SPOCK1: variants seen among roughly 807,000 people sequenced by gnomAD.
The protein encoded by SPOCK1 is testican-1.
In SPOCK1, 23 loss-of-function variants were observed where a neutral mutation model predicts 55.3. The ratio of observed to expected loss-of-function variants is 0.42; its 90% CI spans 0.30 to 0.59. The LOEUF is 0.59. Ranked by LOEUF, SPOCK1 falls within the 20% of genes least tolerant of loss-of-function variation. SPOCK1 has a pLI of 0.22. For missense variants in SPOCK1, 499 were observed against 552.5 expected (o/e 0.90, Z 0.97); for synonymous variants, 226 against 221.0 (o/e 1.02, Z -0.20).
chr5:137,131,966 C>A (rs1184278698), intron 4 of SPOCK1, among the ~76,000 whole-genome samples: 3 of 28,326 alleles, frequency 1.1e-4, no homozygotes, highest in East Asian at 9.3e-4. Context: ...AGCGAGACTC[C>A]GTCTCAAAAA....
In SPOCK1 at chr5:137,000,180, G is replaced by A. The variant is rs560882686; in HGVS notation, c.590-7580C>T. On this transcript the variant is annotated intron_variant, in intron 6 of 10. Transcript: ENST00000394945. Reference sequence around the variant, plus strand: ...CTCTCAGAAATGGAGACCTGATGCTGATTCTTTCAAACTAATCTCCTTCAG... The same window carrying A: ...CTCTCAGAAATGGAGACCTGATGCTAATTCTTTCAAACTAATCTCCTTCAG... Among the ~76,000 whole-genome samples, 4 of 152,334 alleles carry A rather than the reference G, an allele frequency of 2.6e-5. No homozygotes were observed. The South Asian group carries it at 8.3e-4, about 32-fold the overall frequency.
At chr5:137,212,203 G>C (rs139825389) in intron 3 of SPOCK1, among the ~76,000 whole-genome samples, 1 of 152,158 alleles carries the variant, frequency 6.6e-6, no homozygotes, top group African/African-American at 2.4e-5. Context: ...CATCCAGTTA[G>C]TGTCTGCTGG....
At chr5:137,034,771 G>A (rs955917485) in intron 6 of SPOCK1, among the ~76,000 whole-genome samples, 4 of 151,886 alleles carry the variant, frequency 2.6e-5, no homozygotes, top group Non-Finnish European at 4.4e-5. Context: ...GCCATGTGGT[G>A]ATGACAGATC....
At chr5:137,096,335 G>T (rs1490067001) in intron 5 of SPOCK1, among the ~76,000 whole-genome samples, 2 of 151,800 alleles carry the variant, frequency 1.3e-5, no homozygotes, top group Non-Finnish European at 2.9e-5. Flanking sequence ...GGGTTTCCAT[G>T]ACAACCACTT....
intron 2 of SPOCK1, among the ~76,000 whole-genome samples, chr5:137,391,349 G>A (rs1412865008): frequency 6.6e-6 from 1 of 152,108 alleles, no homozygotes; most frequent in Admixed American, 6.5e-5. Context: ...GAATAGTGCT[G>A]CAATAAGTAT....
chr5:137,323,698 T>C (rs1192849930), intron 2 of SPOCK1, among the ~76,000 whole-genome samples: 1 of 152,000 alleles, frequency 6.6e-6, no homozygotes, highest in Non-Finnish European at 1.5e-5. Context: ...AAAGAAGACA[T>C]ACAAATGGCC....
intron 2 of SPOCK1, among the ~76,000 whole-genome samples, chr5:137,473,681 T>C (rs1324511511): frequency 1.3e-5 from 2 of 152,200 alleles, no homozygotes; most frequent in African/African-American, 4.8e-5. Context: ...ACAAAATCAC[T>C]TTAAAAATAA....
At chr5:137,025,189 T>C (rs1406853505) in intron 6 of SPOCK1, among the ~76,000 whole-genome samples, 1 of 152,168 alleles carries the variant, frequency 6.6e-6, no homozygotes, top group Non-Finnish European at 1.5e-5. Context: ...TTGTACAACA[T>C]TGTAATTATA....
chr5:137,018,971 G>T (rs1054722186), intron 6 of SPOCK1, among the ~76,000 whole-genome samples: 9 of 151,988 alleles, frequency 5.9e-5, no homozygotes, highest in Non-Finnish European at 1.3e-4. Flanking sequence ...AGAGTGAGAA[G>T]AAATACAAAT....
chr5:137,348,974 T>C (rs890063821), intron 2 of SPOCK1, among the ~76,000 whole-genome samples: 1 of 152,084 alleles, frequency 6.6e-6, no homozygotes, highest in African/African-American at 2.4e-5. Flanking sequence ...CCTCCGAGAT[T>C]GGTTACAAAG....
intron 5 of SPOCK1, among the ~76,000 whole-genome samples, chr5:137,092,862 G>C (rs1177224608): frequency 6.6e-6 from 1 of 152,152 alleles, no homozygotes; most frequent in Non-Finnish European, 1.5e-5. Flanking sequence ...CACAGTCACG[G>C]AGGCTGAGAA....
chr5:137,195,089 G>A (rs528490764), intron 3 of SPOCK1, among the ~76,000 whole-genome samples: 1 of 152,176 alleles, frequency 6.6e-6, no homozygotes, highest in Non-Finnish European at 1.5e-5. Flanking sequence ...CGGCAAAGGG[G>A]TCATCCATCA....
chr5:137,152,566 C>G (rs949593804), intron 3 of SPOCK1, among the ~76,000 whole-genome samples: 2 of 152,188 alleles, frequency 1.3e-5, no homozygotes, highest in Non-Finnish European at 2.9e-5. Context: ...AGGTAAGACA[C>G]AGCAGAAAGA....
At position 136,989,504 on chromosome 5, in the gene SPOCK1, C is replaced by T. The variant is rs547366361; in HGVS notation, c.707-861G>A. On this transcript the variant is annotated intron_variant, in intron 7 of 10. Transcript: ENST00000394945. ...GGAATACCCCAATGATAAAAGTGAA[C>T]GTCTGTTGCTATATAGAAAGCATGC... Among the ~76,000 whole-genome samples, 4 of 152,248 alleles carry T rather than the reference C, an allele frequency of 2.6e-5. No individual in the cohort carries two copies. The South Asian group carries it at 8.3e-4, about 32-fold the overall frequency.
chr5:137,126,936 G>A (rs1001787384), intron 4 of SPOCK1, among the ~76,000 whole-genome samples: 5 of 152,132 alleles, frequency 3.3e-5, no homozygotes, highest in Non-Finnish European at 5.9e-5. Context: ...CCTCCTGATT[G>A]CTTACAGTAA....
chr5:137,015,495 C>CCATTCA (rs1751433634), intron 6 of SPOCK1, among the ~76,000 whole-genome samples: 1 of 151,850 alleles, frequency 6.6e-6, no homozygotes, highest in South Asian at 2.1e-4. Flanking sequence ...AGTGCTGGTA[C>CCATTCA]CATTCACATT....
chr5:137,247,593 A>T (rs1341957593), intron 3 of SPOCK1, among the ~76,000 whole-genome samples: 1 of 152,214 alleles, frequency 6.6e-6, no homozygotes, highest in African/African-American at 2.4e-5. Flanking sequence ...ACTTTAAAAA[A>T]AACTGCTTAT....
chr5:137,409,129 C>T, intron 2 of SPOCK1, among the ~76,000 whole-genome samples: 1 of 152,142 alleles, frequency 6.6e-6, no homozygotes, highest in African/African-American at 2.4e-5. Flanking sequence ...CATGACCACC[C>T]ACCCCTGACT....
intron 3 of SPOCK1, among the ~76,000 whole-genome samples, chr5:137,237,316 C>G (rs1052137553): frequency 3.7e-4 from 57 of 152,132 alleles, no homozygotes; most frequent in African/African-American, 1.3e-3. Context: ...CTCTGAGAGG[C>G]AGAGGACTAA....
Sources: allele counts gnomAD v4.1 joint callset (sites outside exome capture counted in the v4.1 genomes callset), GRCh38; gene constraint gnomAD v4.1.1; transcripts MANE v1.5; gene names NCBI Gene and HGNC (gene_info 2026-07-23, HGNC 2026-07-21).